Variants in TDRD5 observed in about 807,000 individuals in gnomAD.
TDRD5 encodes the protein tudor domain-containing protein 5.
In TDRD5, 41 loss-of-function variants were observed where a neutral mutation model predicts 120.6. The ratio of observed to expected loss-of-function variants is 0.34; its 90% confidence interval spans 0.26 to 0.44. The LOEUF (loss-of-function observed/expected upper bound fraction) is 0.44. Among genes scored for constraint, TDRD5 ranks in the 20% least tolerant of loss-of-function variants. The probability of loss-of-function intolerance (pLI) is 1.00; values close to 1 mark genes in which losing one functional copy is unlikely to be tolerated. For missense variants in TDRD5, 1,006 were observed against 1,221.2 expected, an observed-to-expected ratio of 0.82 and a Z score of 2.63; for synonymous variants, 430 against 433.7, an observed-to-expected ratio of 0.99 and a Z score of 0.11.
intron 17 of TDRD5, among the ~76,000 whole-genome samples, chr1:179,672,744 C>G (rs1426482500): frequency 6.6e-6 from 1 of 152,160 alleles, no homozygotes; most frequent in Non-Finnish European, 1.5e-5. Context: ...AGATTTAAGT[C>G]TTTGATCCAT....
intron 7 of TDRD5, among the ~76,000 whole-genome samples, chr1:179,634,006 C>T (rs1203707607): frequency 6.6e-6 from 1 of 151,802 alleles, no homozygotes; most frequent in Non-Finnish European, 1.5e-5. Context: ...CCTGTCTCTA[C>T]TAAAAATACA....
At chr1:179,653,225 T>C (rs1021199760) in intron 13 of TDRD5, among the ~76,000 whole-genome samples, 1 of 152,234 alleles carries the variant, frequency 6.6e-6, no homozygotes, top group Non-Finnish European at 1.5e-5. Flanking sequence ...TGTTTTGTTT[T>C]ATTGATACAA....
chr1:179,643,640 TC>T (rs1282311236), intron 11 of TDRD5, among the ~76,000 whole-genome samples: 8 of 151,740 alleles, frequency 5.3e-5, no homozygotes, highest in Admixed American at 5.2e-4. Context: ...AAAAGAATTA[TC>T]CAATGTGAAG....
intron 4 of TDRD5, among the ~76,000 whole-genome samples, chr1:179,617,217 T>G (rs1676607716): frequency 1.3e-5 from 2 of 152,140 alleles, no homozygotes; most frequent in Non-Finnish European, 2.9e-5. Context: ...GGGAGCCATG[T>G]ACTTGCCAAA....
rs777050040 is a variant in TDRD5, at chr1:179,635,784, A to G, written c.1417A>G (p.Ile473Val). The part of the protein sequence containing the change: ...RLPPLDTSSL[I>V]GVFVEYIISP... ...CCCACCATTAGACACCAGTTCCCTCATAGGGGTCTTTGTGGAGTATATCAT... is the reference window on the plus strand; with the variant it reads ...CCCACCATTAGACACCAGTTCCCTCGTAGGGGTCTTTGTGGAGTATATCAT... Residue 473 changes from isoleucine to valine, a missense_variant, in exon 9 of 18, where the codon ATA (isoleucine) becomes GTA (valine). Around this residue, in one of 3 missense-constraint regions of TDRD5, gnomAD observed 158 missense variants for 257.5 expected, o/e 0.61. Coordinates refer to ENST00000444136, the MANE Select transcript of TDRD5 (RefSeq NM_001199085.3). 3.0e-5 allele frequency: 49 copies of G among 1,613,944 alleles called. No individual in the cohort carries two copies. The highest frequency in any genetic ancestry group is 1.0e-4 in the Admixed American group (6 of 59,994).
chr1:179,621,818 A>G (rs1676859662), intron 6 of TDRD5, among the ~76,000 whole-genome samples: 1 of 152,184 alleles, frequency 6.6e-6, no homozygotes, highest in Admixed American at 6.5e-5. Context: ...TCATATTGGC[A>G]TATGTTCATT....
chr1:179,663,436 A>G lies in TDRD5; in HGVS notation c.2594A>G (p.Lys865Arg). ...LVNGTKVEVH[K>R]PEVLGAQEKN... ...AATGGAACGAAAGTAGAAGTTCATA[A>G]GCCAGAAGTACTGGGTGCTCAGGAA... The change falls in exon 16 of 18, where the codon AAG becomes AGG. Residue 865 changes from lysine to arginine, a missense_variant. Coordinates refer to ENST00000444136, the MANE Select transcript of TDRD5 (RefSeq NM_001199085.3). 1 of 1,613,876 alleles carries G rather than the reference A, an allele frequency of 6.2e-7. No homozygotes were observed. The highest frequency in any genetic ancestry group is 8.5e-7 in the Non-Finnish European group (1 of 1,179,898).
chr1:179,613,948 G>A (rs12566750), intron 4 of TDRD5, among the ~76,000 whole-genome samples: 6,210 of 152,242 alleles, frequency 0.041, 186 homozygotes, highest in East Asian at 0.11. Context: ...TTTCCCATAT[G>A]GCCAAAAGGT....
intron 9 of TDRD5, among the ~76,000 whole-genome samples, chr1:179,637,506 G>A (rs1029752339): frequency 6.6e-6 from 1 of 152,130 alleles, no homozygotes. Context: ...TAGCACTTTG[G>A]GAAGCCAAGG....
chr1:179,667,350 A>T lies in TDRD5; in HGVS notation c.2650-1844A>T, dbSNP rs147647560. 1.7e-3 allele frequency among the ~76,000 whole-genome samples: 252 copies of T among 152,360 alleles called. 1 individual carries two copies. Among genetic ancestry groups the T allele is most frequent in the African/African-American group, 5.9e-3 (244 of 41,580 alleles). On this transcript the variant is annotated intron_variant, in intron 16 of 17. Coordinates refer to ENST00000444136, the MANE Select transcript of TDRD5 (RefSeq NM_001199085.3). ...TAAATCATATTTGTCAAGAAAGAAG[A>T]TATAGCTTTTTAAAAATGTTTCTGT...
At chr1:179,616,776 C>T (rs1676585408) in intron 4 of TDRD5, among the ~76,000 whole-genome samples, 1 of 152,120 alleles carries the variant, frequency 6.6e-6, no homozygotes, top group Non-Finnish European at 1.5e-5. Context: ...CCTGCAAGAT[C>T]CTTATAAAAG....
chr1:179,603,155 G>A (rs952181731), intron 4 of TDRD5, among the ~76,000 whole-genome samples: 31 of 151,982 alleles, frequency 2.0e-4, no homozygotes, highest in African/African-American at 7.0e-4. Flanking sequence ...AAGGGGTTGA[G>A]TTCTTGATTT....
At chr1:179,620,676 T>C (rs1676792960) in intron 5 of TDRD5, among the ~76,000 whole-genome samples, 1 of 152,192 alleles carries the variant, frequency 6.6e-6, no homozygotes, top group Non-Finnish European at 1.5e-5. Context: ...TAATGTTTAT[T>C]GCATTTCTTT....
At chr1:179,615,207 G>A (rs1676499318) in intron 4 of TDRD5, among the ~76,000 whole-genome samples, 1 of 152,086 alleles carries the variant, frequency 6.6e-6, no homozygotes, top group African/African-American at 2.4e-5. Context: ...TGAGGACAGG[G>A]ACCATATCTA....
At chr1:179,640,089 T>A in intron 10 of TDRD5, 38 bp downstream of exon 10, 1 of 1,604,248 alleles carries the variant, frequency 6.2e-7, no homozygotes, top group Non-Finnish European at 8.5e-7. Context: ...ATGAATTAAA[T>A]TTTGAATCAC....
At chr1:179,604,281 A>G (rs1452492336) in intron 4 of TDRD5, among the ~76,000 whole-genome samples, 1 of 150,804 alleles carries the variant, frequency 6.6e-6, no homozygotes, top group Non-Finnish European at 1.5e-5. Flanking sequence ...TTCTTGGTTT[A>G]TTTTTCTAAT....
At chr1:179,651,183 C>T in intron 12 of TDRD5, 116 bp downstream of exon 12, 1 of 1,125,118 alleles carries the variant, frequency 8.9e-7, no homozygotes, top group Non-Finnish European at 1.2e-6. Context: ...TTAGAGACAT[C>T]CACGAGATTC....
intron 17 of TDRD5, among the ~76,000 whole-genome samples, chr1:179,680,939 T>C (rs1368295569): frequency 1.3e-5 from 2 of 152,062 alleles, no homozygotes; most frequent in African/African-American, 4.8e-5. Context: ...AAAAAACAAA[T>C]AGCAAAATAA....
intron 3 of TDRD5, among the ~76,000 whole-genome samples, chr1:179,594,367 G>T (rs1443109768): frequency 1.3e-5 from 2 of 152,168 alleles, no homozygotes; most frequent in African/African-American, 4.8e-5. Context: ...ATTTTACCTT[G>T]CATTCTCATT....
Sources: gnomAD v4.1 joint callset for allele counts (sites outside exome capture counted in the v4.1 genomes callset) on GRCh38, gnomAD v4.1.1 for gene constraint, gnomAD v4.1.1 regional missense constraint, MANE v1.5 for transcripts, NCBI Gene and HGNC (gene_info 2026-07-23, HGNC 2026-07-21) for gene names.